Variants in GPHB5 observed in about 807,000 individuals in gnomAD.
GPHB5 encodes the protein glycoprotein hormone subunit beta 5, also known as glycoprotein hormone beta-5.
GPHB5 carries 7 observed loss-of-function variants against 10.1 expected under a neutral mutation model. The observed-to-expected ratio is 0.69, with a 90% confidence interval of 0.39 to 1.30. The LOEUF (loss-of-function observed/expected upper bound fraction) is 1.30. Ranked by LOEUF, GPHB5 falls within the 50% of genes most tolerant of loss-of-function variation. The probability of loss-of-function intolerance (pLI) is 0.01; values close to 1 mark genes in which losing one functional copy is unlikely to be tolerated. For missense variants in GPHB5, 161 were observed against 169.8 expected, an observed-to-expected ratio of 0.95 and a Z score of 0.29; for synonymous variants, 68 against 70.1, an observed-to-expected ratio of 0.97 and a Z score of 0.15.
chr14:63,317,575 T>G, intron 2 of GPHB5, 71 bp downstream of exon 2: 1 of 1,439,816 alleles, frequency 6.9e-7, no homozygotes, highest in Non-Finnish European at 9.6e-7. Context: ...ATTTAAAAAG[T>G]GAACTCTTAA....
At chr14:63,316,533 G>A (rs1057494166) in intron 2 of GPHB5, among the ~76,000 whole-genome samples, 7 of 152,106 alleles carry the variant, frequency 4.6e-5, no homozygotes, top group Non-Finnish European at 8.8e-5. Context: ...GAAGTAAGAC[G>A]AAAAGTAGAG....
chr14:63,313,143 A>G (rs1229651642), intron 2 of GPHB5, 27 bp from the exon 3 acceptor site: 27 of 1,522,342 alleles, frequency 1.8e-5, no homozygotes, highest in Non-Finnish European at 2.1e-5. Context: ...AAAACAGAGA[A>G]TTCATTAGAA....
At chr14:63,315,827 C>A (rs1273274958) in intron 2 of GPHB5, among the ~76,000 whole-genome samples, 1 of 152,242 alleles carries the variant, frequency 6.6e-6, no homozygotes, top group Non-Finnish European at 1.5e-5. Context: ...CAGGGAGAAT[C>A]TTGTTCTTTA....
chr14:63,312,991 G>A lies in GPHB5; in HGVS notation c.330C>T (p.Pro110=), dbSNP rs540479788. The part of the protein sequence containing the change: ...APGVDPFYTY[P]VAIRCDCGAC... Reference sequence around the variant, plus strand: ...CTCCGCAGTCACAGCGGATGGCCACGGGATAGGTGTAGAAGGGGTCGACTC... The same window carrying A: ...CTCCGCAGTCACAGCGGATGGCCACAGGATAGGTGTAGAAGGGGTCGACTC... Residue 110 remains proline, a synonymous_variant, in exon 3 of 3, where the codon CCC becomes CCT. Coordinates refer to ENST00000621500, the MANE Select transcript of GPHB5 (RefSeq NM_145171.4). 1.7e-5 allele frequency: 27 copies of A among 1,569,814 alleles called. No homozygotes were observed. The highest frequency in any genetic ancestry group is 1.7e-4 in the Admixed American group (9 of 52,732).
chr14:63,317,561 T>C (rs1049445446), intron 2 of GPHB5, 85 bp downstream of exon 2: 94 of 1,303,680 alleles, frequency 7.2e-5, no homozygotes, highest in Non-Finnish European at 9.2e-5. Context: ...CTCTACCTCA[T>C]ATCATTTAAA....
At chr14:63,313,890 A>G (rs1249957282) in intron 2 of GPHB5, among the ~76,000 whole-genome samples, 1 of 152,074 alleles carries the variant, frequency 6.6e-6, no homozygotes, top group Non-Finnish European at 1.5e-5. Context: ...CACAGCACTG[A>G]TCAATACCAC....
intron 1 of GPHB5, 121 bp from the exon 2 acceptor site, chr14:63,317,971 GC>G: frequency 1.2e-6 from 1 of 850,732 alleles, no homozygotes; most frequent in Non-Finnish European, 1.8e-6. Flanking sequence ...GGGAAAATGA[GC>G]CCAGAAATTG....
chr14:63,317,023 A>C (rs953759322), intron 2 of GPHB5, among the ~76,000 whole-genome samples: 2 of 152,216 alleles, frequency 1.3e-5, no homozygotes, highest in Non-Finnish European at 2.9e-5. Context: ...TGTTATCTCC[A>C]CTTTAAATTA....
chr14:63,316,428 C>T (rs1340849438), intron 2 of GPHB5, among the ~76,000 whole-genome samples: 1 of 152,202 alleles, frequency 6.6e-6, no homozygotes, highest in Non-Finnish European at 1.5e-5. Context: ...GTATTGAATG[C>T]CTTGTTCATA....
At chr14:63,313,955 C>T (rs977788433) in intron 2 of GPHB5, among the ~76,000 whole-genome samples, 3 of 152,150 alleles carry the variant, frequency 2.0e-5, no homozygotes, top group African/African-American at 7.2e-5. Context: ...AGAAAGTAAG[C>T]TCTTTTAGGA....
chr14:63,315,669 A>G (rs1045281609), intron 2 of GPHB5, among the ~76,000 whole-genome samples: 1 of 152,198 alleles, frequency 6.6e-6, no homozygotes, highest in African/African-American at 2.4e-5. Context: ...GCTTTCAGTT[A>G]AGATCCCCCC....
At position 63,318,815 on chromosome 14, in the gene GPHB5, A is replaced by C; in HGVS notation, c.-2+9T>G. On this transcript the variant is annotated intron_variant, in intron 1 of 2. Coordinates refer to ENST00000621500, the MANE Select transcript of GPHB5 (RefSeq NM_145171.4). ...TGGAATGAGGTTACAAATACGGAGA[A>C]GCACTTACCTAATCTTGCAGGAGCC... 1 of 152,260 alleles carries C rather than the reference A, an allele frequency of 6.6e-6. No homozygotes were observed. Among genetic ancestry groups the C allele is most frequent in the Non-Finnish European group, 1.5e-5 (1 of 68,044 alleles). 9.4% of individuals were successfully genotyped at this position (152,260 alleles called of 1,614,324 possible). A position where few individuals can be genotyped will look rare whatever the true frequency, so the allele number is the denominator to read the frequency against.
At chr14:63,315,241 G>A (rs1359736283) in intron 2 of GPHB5, among the ~76,000 whole-genome samples, 1 of 152,066 alleles carries the variant, frequency 6.6e-6, no homozygotes, top group African/African-American at 2.4e-5. Flanking sequence ...AAGACCAGAA[G>A]AGCTGAATTT....
chr14:63,313,682 A>G lies in GPHB5; in HGVS notation c.205-566T>C, dbSNP rs570805262. ...CCTCTGACCCACCAGGAACAGCCCC[A>G]GCTCAGGGCCTTTGCACTTACCGTT... On this transcript the variant is annotated intron_variant, in intron 2 of 2. Transcript: ENST00000621500. Among the ~76,000 whole-genome samples the G allele has an allele frequency of 5.9e-5, 9 of 152,192 alleles. No homozygotes were observed. The South Asian group carries it at 1.9e-3, about 32-fold the overall frequency.
At chr14:63,318,374 C>T (rs1158567722) in intron 1 of GPHB5, among the ~76,000 whole-genome samples, 1 of 152,132 alleles carries the variant, frequency 6.6e-6, no homozygotes, top group Non-Finnish European at 1.5e-5. Context: ...CGTTACTAAA[C>T]CAACTCACCA....
rs371931225 is a variant in GPHB5 at position 63,317,739 on chromosome 14, G to A, written c.111C>T (p.Ala37=). ...SGNLRTFVGC[A]VREFTFLAKK... ...TGGCCAGGAAAGTAAACTCCCTCAC[G>A]GCACAGCCCACAAAGGTGCGCAGGT... The change falls in exon 2 of 3, where the codon GCC becomes GCT. Residue 37 remains alanine (A), a synonymous_variant. Coordinates refer to ENST00000621500, the MANE Select transcript of GPHB5 (RefSeq NM_145171.4). 52 of 1,613,988 alleles carry A rather than the reference G, an allele frequency of 3.2e-5. No individual in the cohort carries two copies. The East Asian group carries it at 3.6e-4, about 11-fold the overall frequency.
chr14:63,313,245 C>T, intron 2 of GPHB5, 129 bp from the exon 3 acceptor site: 2 of 880,372 alleles, frequency 2.3e-6, no homozygotes, highest in Non-Finnish European at 3.4e-6. Flanking sequence ...TGTCGTCTCC[C>T]AGTAGAAAAC....
chr14:63,315,011 T>G (rs540707731), intron 2 of GPHB5, among the ~76,000 whole-genome samples: 5 of 151,520 alleles, frequency 3.3e-5, no homozygotes, highest in Non-Finnish European at 7.4e-5. Context: ...CAAGCAAGTC[T>G]TCTGCCTCAG....
chr14:63,315,490 T>C (rs1882756792), intron 2 of GPHB5, among the ~76,000 whole-genome samples: 1 of 151,154 alleles, frequency 6.6e-6, no homozygotes, highest in Non-Finnish European at 1.5e-5. Flanking sequence ...TTATTTCAGT[T>C]TGGGTTTCTG....
Sources: allele counts gnomAD v4.1 joint callset (sites outside exome capture counted in the v4.1 genomes callset), GRCh38; gene constraint gnomAD v4.1.1; transcripts MANE v1.5; gene names NCBI Gene and HGNC (gene_info 2026-07-23, HGNC 2026-07-21).